Variants in NTRK3 observed in about 807,000 individuals in gnomAD.
NTRK3 encodes the protein NT-3 growth factor receptor.
In NTRK3, 24 loss-of-function variants were observed where a neutral mutation model predicts 91.7. The ratio of observed to expected loss-of-function variants is 0.26; its 90% confidence interval spans 0.19 to 0.37. The LOEUF is 0.37. Among genes scored for constraint, NTRK3 ranks in the 10% least tolerant of loss-of-function variants. The probability of loss-of-function intolerance (pLI) is 1.00; values close to 1 mark genes in which losing one functional copy is unlikely to be tolerated. For synonymous variants in NTRK3, 483 were observed against 404.0 expected, an observed-to-expected ratio of 1.20 and a Z score of -2.34; for missense variants, 880 against 1,068.9, an observed-to-expected ratio of 0.82 and a Z score of 2.46.
rs77839893 is a variant in NTRK3 at position 88,195,842 on chromosome 15, C to G, written c.249-11543G>C. 4.3e-3 allele frequency among the ~76,000 whole-genome samples: 657 copies of G among 152,288 alleles called. 5 individuals carry two copies. The highest frequency in any genetic ancestry group is 0.015 in the African/African-American group (608 of 41,560). ...CCTGAGCAGCTGGCTTGAAAGTAATCCAATAGTGCGAGCTCTGTGCCTAAA... is the reference window on the plus strand; with the variant it reads ...CCTGAGCAGCTGGCTTGAAAGTAATGCAATAGTGCGAGCTCTGTGCCTAAA... On this transcript the variant is annotated intron_variant, in intron 3 of 18. Transcript: ENST00000394480.
chr15:88,179,637 C>T (rs2046292804), intron 5 of NTRK3, among the ~76,000 whole-genome samples: 1 of 152,110 alleles, frequency 6.6e-6, no homozygotes, highest in South Asian at 2.1e-4. Flanking sequence ...GAAAACACAC[C>T]CCATAAAGGG....
At chr15:88,112,179 T>C (rs1162462188) in intron 13 of NTRK3, among the ~76,000 whole-genome samples, 1 of 152,230 alleles carries the variant, frequency 6.6e-6, no homozygotes, top group African/African-American at 2.4e-5. Context: ...GTGCTAGGAT[T>C]ACAGGCGTGA....
intron 13 of NTRK3, among the ~76,000 whole-genome samples, chr15:88,109,105 G>A (rs2051038963): frequency 1.3e-5 from 2 of 152,232 alleles, no homozygotes. Context: ...TCCATGGGGA[G>A]TCTTTGCAAG....
intron 13 of NTRK3, among the ~76,000 whole-genome samples, chr15:88,062,797 G>A (rs1330925755): frequency 6.6e-6 from 1 of 152,218 alleles, no homozygotes; most frequent in Non-Finnish European, 1.5e-5. Flanking sequence ...ATTTTTGTTA[G>A]AAGGGTGAGA....
chr15:87,877,002 T>G lies in NTRK3; in HGVS notation c.2411A>C (p.Lys804Thr), dbSNP rs1297517514. The change falls in exon 19 of 19, where the codon AAG becomes ACG. Residue 804 changes from lysine to threonine, a missense_variant. Around this residue, in one of 3 missense-constraint regions of NTRK3, gnomAD observed 38 missense variants for 31.4 expected, o/e 1.21. Transcript: ENST00000394480. ...AGCATGGAGGATTTTGTAGATCTCC[T>G]TGATGTTCAACCGCTGCTGTGGTTC... 4 of 1,613,258 alleles carry G rather than the reference T, an allele frequency of 2.5e-6. No individual in the cohort carries two copies. In the East Asian group the frequency reaches 8.9e-5, roughly 36 times the overall value.
chr15:87,925,357 T>A (rs1397814204), intron 17 of NTRK3, among the ~76,000 whole-genome samples: 1 of 152,002 alleles, frequency 6.6e-6, no homozygotes, highest in African/African-American at 2.4e-5. Flanking sequence ...AGAAAGACTA[T>A]AAGGAGGAGT....
At chr15:88,057,790 C>A (rs1483273660) in intron 13 of NTRK3, among the ~76,000 whole-genome samples, 1 of 152,250 alleles carries the variant, frequency 6.6e-6, no homozygotes, top group African/African-American at 2.4e-5. Context: ...ACCTTTTGAG[C>A]TGTTCCTAGT....
chr15:88,251,996 C>A (rs113834999), intron 3 of NTRK3, among the ~76,000 whole-genome samples: 3 of 152,134 alleles, frequency 2.0e-5, no homozygotes, highest in African/African-American at 4.8e-5. Context: ...CTTCCTGGGG[C>A]AGGGGGTCTT....
At chr15:87,986,730 C>A (rs1236677769) in intron 14 of NTRK3, among the ~76,000 whole-genome samples, 2 of 152,188 alleles carry the variant, frequency 1.3e-5, no homozygotes, top group Non-Finnish European at 2.9e-5. Flanking sequence ...AAGTTGCGAT[C>A]AATATTATTA....
At chr15:88,035,476 C>T (rs1458266053) in intron 13 of NTRK3, among the ~76,000 whole-genome samples, 3 of 152,220 alleles carry the variant, frequency 2.0e-5, no homozygotes, top group Non-Finnish European at 2.9e-5. Flanking sequence ...GAGAATACAT[C>T]TCTGGATGAA....
intron 13 of NTRK3, among the ~76,000 whole-genome samples, chr15:88,102,613 T>C (rs1432640288): frequency 2.6e-5 from 4 of 152,166 alleles, no homozygotes; most frequent in Admixed American, 6.5e-5. Context: ...AAATTTCACA[T>C]GTACCCCATA....
rs79517188 is a variant in NTRK3 at position 87,869,815 on chromosome 15, A to G, written c.*7120T>C. On this transcript the variant is annotated 3_prime_UTR_variant, in exon 19 of 19. Transcript: ENST00000394480. ...TGCCAGGTAGCTATTAAATTGAGACAGAACATGGACAGATCTCCAATGAGG... is the reference window on the plus strand; with the variant it reads ...TGCCAGGTAGCTATTAAATTGAGACGGAACATGGACAGATCTCCAATGAGG... 1,358 of 199,026 alleles carry G rather than the reference A, an allele frequency of 6.8e-3. 22 individuals are homozygous for G. The highest frequency in any genetic ancestry group is 0.031 in the East Asian group (394 of 12,860). The allele number at this position is 199,026 out of a possible 1,614,324, so 12.3% of individuals were successfully genotyped here. A position where few individuals can be genotyped will look rare whatever the true frequency, so the allele number is the denominator to read the frequency against.
intron 3 of NTRK3, among the ~76,000 whole-genome samples, chr15:88,215,725 C>G (rs371647337): frequency 2.0e-5 from 3 of 152,380 alleles, no homozygotes; most frequent in African/African-American, 7.2e-5. Flanking sequence ...CAAGTCCATT[C>G]TCTTGAGGGA....
intron 3 of NTRK3, among the ~76,000 whole-genome samples, chr15:88,198,800 C>T (rs1345003721): frequency 6.6e-6 from 1 of 152,090 alleles, no homozygotes; most frequent in Non-Finnish European, 1.5e-5. Flanking sequence ...TCTAAGTAGC[C>T]TGGGACAGGG....
chr15:88,123,242 T>C (rs1017179216), intron 13 of NTRK3, among the ~76,000 whole-genome samples: 2 of 152,208 alleles, frequency 1.3e-5, no homozygotes, highest in Admixed American at 6.5e-5. Flanking sequence ...ATTATTACCA[T>C]TCTGGAGTTG....
intron 10 of NTRK3, among the ~76,000 whole-genome samples, chr15:88,134,099 T>A (rs2041646693): frequency 6.6e-6 from 1 of 152,218 alleles, no homozygotes; most frequent in Non-Finnish European, 1.5e-5. Flanking sequence ...TGCATGTGCA[T>A]GTGTGTATGT....
chr15:87,981,629 T>C (rs1054396542), intron 14 of NTRK3, among the ~76,000 whole-genome samples: 6 of 152,202 alleles, frequency 3.9e-5, no homozygotes, highest in African/African-American at 7.2e-5. Flanking sequence ...AACTCTGTCC[T>C]GCACTTTTCC....
intron 5 of NTRK3, among the ~76,000 whole-genome samples, chr15:88,148,251 T>A (rs563587155): frequency 2.1e-4 from 32 of 152,334 alleles, no homozygotes; most frequent in African/African-American, 7.7e-4. Flanking sequence ...CACACACATA[T>A]GCTTACACAC....
At chr15:88,249,660 G>A (rs1298554656) in intron 3 of NTRK3, among the ~76,000 whole-genome samples, 1 of 152,116 alleles carries the variant, frequency 6.6e-6, no homozygotes, top group Non-Finnish European at 1.5e-5. Context: ...CCTCCTTGGG[G>A]GTTCTCAGGA....
Sources: allele counts gnomAD v4.1 joint callset (sites outside exome capture counted in the v4.1 genomes callset), GRCh38; gene constraint gnomAD v4.1.1; regional missense constraint gnomAD v4.1.1; transcripts MANE v1.5; gene names NCBI Gene and HGNC (gene_info 2026-07-23, HGNC 2026-07-21).